The following COIL variants were observed in gnomAD, a reference collection of about 807,000 sequenced individuals.
COIL encodes coilin p80.
In COIL, 28 loss-of-function variants were observed where a neutral mutation model predicts 51.6. The observed-to-expected ratio is 0.54, with a 90% CI of 0.40 to 0.74. COIL has a LOEUF of 0.74. Among genes scored for constraint, COIL ranks in the 30% least tolerant of loss-of-function variants. COIL has a pLI of 0.00. For synonymous variants in COIL, 233 were observed against 255.8 expected (o/e 0.91, Z 0.85); for missense variants, 667 against 685.9 (o/e 0.97, Z 0.31).
intron 1 of COIL, among the ~76,000 whole-genome samples, chr17:56,959,102 T>TG (rs1239179127): frequency 6.6e-6 from 1 of 151,404 alleles, no homozygotes; most frequent in Non-Finnish European, 1.5e-5. Flanking sequence ...CCCAGTGCTT[T>TG]GGGGGGCTGA....
At chr17:56,947,841 T>C (rs1910279250) in intron 4 of COIL, among the ~76,000 whole-genome samples, 1 of 152,220 alleles carries the variant, frequency 6.6e-6, no homozygotes, top group Non-Finnish European at 1.5e-5. Context: ...GATGTATCAA[T>C]ACAATATTCA....
At chr17:56,940,509 A>C (rs1567850163) in intron 6 of COIL, among the ~76,000 whole-genome samples, 1 of 151,980 alleles carries the variant, frequency 6.6e-6, no homozygotes, top group Non-Finnish European at 1.5e-5. Context: ...AATTTCAACC[A>C]AAAAAAACTA....
chr17:56,947,343 G>A (rs1248645185), intron 4 of COIL, among the ~76,000 whole-genome samples: 1 of 151,980 alleles, frequency 6.6e-6, no homozygotes, highest in Non-Finnish European at 1.5e-5. Context: ...TGAGGTCAAA[G>A]CAAAAAAGTA....
chr17:56,956,428 G>GT lies in COIL; in HGVS notation c.245+4346dup, dbSNP rs1052089133. Among the ~76,000 whole-genome samples, 16 of 151,062 alleles carry GT rather than the reference G, an allele frequency of 1.1e-4. 1 individual carries two copies. Among genetic ancestry groups the GT allele is most frequent in the East Asian group, 2.0e-4 (1 of 5,062 alleles). On this transcript the variant is annotated intron_variant, in intron 1 of 6. Transcript: ENST00000240316. ...TAATTTTTTTTGTTTGTTTTTTGGGGTTTTTTTGGTAGAATAAGGGTCTCC... is the reference window on the plus strand; with the variant it reads ...TAATTTTTTTTGTTTGTTTTTTGGGGTTTTTTTTGGTAGAATAAGGGTCTCC...
Position 56,950,819 on chromosome 17 carries a change from A to C in COIL, c.423T>G (p.Asn141Lys), listed in dbSNP as rs766340032. 6.2e-6 allele frequency: 10 copies of C among 1,613,658 alleles called. No individual in the cohort carries two copies. The highest frequency in any genetic ancestry group is 5.0e-5 in the Admixed American group (3 of 59,958). The part of the protein sequence containing the change: ...KHWKSRENNN[N>K]NEKVLDLEPK... ...GTTCCAGATCCAAGACCTTCTCATT[A>C]TTGTTATTGTTCTCTCGACTCTTCC... The change falls in exon 2 of 7, where the codon AAT becomes AAG. Residue 141 changes from asparagine (N) to lysine (K), a missense_variant. By Grantham distance (94) the Asn-to-Lys change is moderately conservative (BLOSUM62 0). Coordinates refer to ENST00000240316, the MANE Select transcript of COIL (RefSeq NM_004645.3).
intron 5 of COIL, among the ~76,000 whole-genome samples, chr17:56,942,785 G>A (rs1305371494): frequency 6.6e-6 from 1 of 152,134 alleles, no homozygotes; most frequent in Non-Finnish European, 1.5e-5. Flanking sequence ...CAAAGCGCTG[G>A]GATTACAGGC....
chr17:56,951,881 A>T (rs1204621146), intron 1 of COIL: 1 of 158,438 alleles, frequency 6.3e-6, no homozygotes, highest in African/African-American at 2.4e-5. Context: ...GTTCACTACA[A>T]CCTCTCCCTC....
At position 56,960,929 on chromosome 17, in the gene COIL, C is replaced by G. The variant is rs781384121; in HGVS notation, c.91G>C (p.Asp31His). 1 of 1,614,164 alleles carries G rather than the reference C, an allele frequency of 6.2e-7. No individual in the cohort carries two copies. Among genetic ancestry groups the G allele is most frequent in the Non-Finnish European group, 8.5e-7 (1 of 1,180,004 alleles). ...GTGACGACTCGGCATCTGTTCAAGT[C>G]GACCAGAAGCCAGAAGGCCGTACAG... ...PHCTAFWLLV[D>H]LNRCRVVTDL... Residue 31 changes from aspartate (D) to histidine (H), a missense_variant, in exon 1 of 7, where the codon GAC becomes CAC. Asp to His is a moderately conservative substitution (Grantham distance 81). Transcript: ENST00000240316.
At position 56,941,576 on chromosome 17, in the gene COIL, A is replaced by G. The variant is rs574871693; in HGVS notation, c.1647+459T>C. Among the ~76,000 whole-genome samples, 5 of 152,312 alleles carry G rather than the reference A, an allele frequency of 3.3e-5. No homozygotes were observed. In the East Asian group the frequency reaches 9.6e-4, roughly 29 times the overall value. ...CACAGTGAGACTCTCTCAAAAAAAC[A>G]AAAGTTGGAACTGTGGTAACACTTG... On this transcript the variant is annotated intron_variant, in intron 6 of 6. Transcript: ENST00000240316.
Position 56,950,526 on chromosome 17 carries a change from C to A in COIL, c.716G>T (p.Cys239Phe). The change falls in exon 2 of 7, where the codon TGC becomes TTC. Residue 239 changes from cysteine to phenylalanine, a missense_variant. By Grantham distance (205) the Cys-to-Phe change is radical. Transcript: ENST00000240316. ...GGAGGAACTGGGACTCTCTTTTGAG[C>A]AAACGCTTACACTACCTTTCCTTTT... ...KAKRKGSVSV[C>F]SKESPSSSSE... 1.2e-6 allele frequency: 2 copies of A among 1,614,210 alleles called. No homozygotes were observed. The highest frequency in any genetic ancestry group is 8.5e-7 in the Non-Finnish European group (1 of 1,180,036).
At chr17:56,954,121 T>A (rs8069848) in intron 1 of COIL, among the ~76,000 whole-genome samples, 116,256 of 152,076 alleles carry the variant, frequency 0.76, 45,222 homozygotes, top group East Asian at 0.99. Flanking sequence ...TGGTTGCAAG[T>A]CTCTGTTCAG....
intron 1 of COIL, among the ~76,000 whole-genome samples, chr17:56,954,272 T>C (rs1313842273): frequency 1.3e-5 from 2 of 151,998 alleles, no homozygotes; most frequent in Non-Finnish European, 2.9e-5. Flanking sequence ...CTTAAGACCA[T>C]GCATTGGCCG....
intron 4 of COIL, among the ~76,000 whole-genome samples, chr17:56,949,132 AT>A (rs907537046): frequency 1.7e-4 from 26 of 152,062 alleles, no homozygotes; most frequent in African/African-American, 6.0e-4. Context: ...AAATTAATAT[AT>A]TTTTTTTAAA....
rs1020885219 is a variant in COIL at position 56,943,352 on chromosome 17, T to C, written c.1559-1229A>G. On this transcript the variant is annotated intron_variant, in intron 5 of 6. Coordinates refer to ENST00000240316, the MANE Select transcript of COIL (RefSeq NM_004645.3). Reference sequence around the variant, plus strand: ...TTGCCACAACCACTTTCCTCATTTATGTCAATAAGTTCACCTCACTGGCAG... The same window carrying C: ...TTGCCACAACCACTTTCCTCATTTACGTCAATAAGTTCACCTCACTGGCAG... Among the ~76,000 whole-genome samples the C allele has an allele frequency of 5.3e-5, 8 of 152,258 alleles. No individual in the cohort carries two copies. The East Asian group carries it at 1.5e-3, about 29-fold the overall frequency.
At chr17:56,941,737 C>G (rs893798944) in intron 6 of COIL, among the ~76,000 whole-genome samples, 1 of 152,220 alleles carries the variant, frequency 6.6e-6, no homozygotes, top group Non-Finnish European at 1.5e-5. Flanking sequence ...ATATGCACTT[C>G]TCTGAACGTG....
chr17:56,939,999 C>T (rs1257899237), intron 6 of COIL: 1 of 151,964 alleles, frequency 6.6e-6, no homozygotes, highest in African/African-American at 2.4e-5. Context: ...TTATCCTACA[C>T]TACCTAAAAA....
chr17:56,959,583 C>G lies in COIL; in HGVS notation c.245+1192G>C, dbSNP rs1910544799. ...CTCAAGACACTTATTTGAGAGAATC[C>G]CAAAATGTCTGGGTGAGACACAAAA... On this transcript the variant is annotated intron_variant, in intron 1 of 6. Coordinates refer to ENST00000240316, the MANE Select transcript of COIL (RefSeq NM_004645.3). Among the ~76,000 whole-genome samples the G allele has an allele frequency of 2.6e-5, 4 of 152,088 alleles. 1 individual carries two copies. The South Asian group carries it at 8.3e-4, about 32-fold the overall frequency.
chr17:56,948,166 G>A (rs58225516), intron 4 of COIL, among the ~76,000 whole-genome samples: 1 of 129,298 alleles, frequency 7.7e-6, no homozygotes, highest in Non-Finnish European at 1.6e-5. Context: ...ATGGAGTCTC[G>A]CTCTGTTACC....
In COIL at chr17:56,950,266, G is replaced by GGTC. The variant is rs755728174; in HGVS notation, c.973_975dup (p.Asp325dup). The GGTC allele has an allele frequency of 6.2e-7, 1 of 1,614,176 alleles. No individual in the cohort carries two copies. Among genetic ancestry groups the GGTC allele is most frequent in the Admixed American group, 1.7e-5 (1 of 60,028 alleles). On this transcript the variant is annotated inframe_insertion, in exon 2 of 7. Transcript: ENST00000240316. The stretch of plus-strand genomic sequence containing the variant: ...GGGGTGCTCGATGACATCAAGCATT[G>GGTC]GTCGTCTGACTCTGCACTAGAGTCT...
Sources: allele counts gnomAD v4.1 joint callset (sites outside exome capture counted in the v4.1 genomes callset), GRCh38; gene constraint gnomAD v4.1.1; transcripts MANE v1.5; gene names NCBI Gene and HGNC (gene_info 2026-07-23, HGNC 2026-07-21).